Variants in ALDH1A1 observed in about 807,000 individuals in gnomAD.
ALDH1A1 encodes the protein aldehyde dehydrogenase 1 family member A1.
ALDH1A1 carries 19 observed loss-of-function variants against 62.1 expected under a neutral mutation model. The observed-to-expected ratio is 0.31, with a 90% CI of 0.21 to 0.45. ALDH1A1 has a LOEUF of 0.45. Ranked by LOEUF, ALDH1A1 falls within the 20% of genes least tolerant of loss-of-function variation. The pLI is 1.00. For missense variants in ALDH1A1, 521 were observed against 607.1 expected (o/e 0.86, Z 1.49); for synonymous variants, 231 against 215.9 (o/e 1.07, Z -0.61).
rs748129411 is a variant in ALDH1A1, at chr9:72,931,071, A to G, written c.172-52T>C. Reference sequence around the variant, plus strand: ...GTAAGCTAAACATATTAGGCAAGCAAATTTAATGCCAATAACCCTGTAAAA... The same window carrying G: ...GTAAGCTAAACATATTAGGCAAGCAGATTTAATGCCAATAACCCTGTAAAA... On this transcript the variant is annotated intron_variant, in intron 2 of 12. Coordinates refer to ENST00000297785, the MANE Select transcript of ALDH1A1 (RefSeq NM_000689.5). 6.2e-6 allele frequency: 10 copies of G among 1,606,000 alleles called. No homozygotes were observed. The Admixed American group carries it at 1.7e-4, about 27-fold the overall frequency.
intron 11 of ALDH1A1, among the ~76,000 whole-genome samples, chr9:72,906,371 G>T (rs1403267061): frequency 6.6e-6 from 1 of 152,084 alleles, no homozygotes; most frequent in Admixed American, 6.6e-5. Flanking sequence ...GAATTTGTTG[G>T]ATCAGTATTC....
chr9:72,942,988 A>G (rs573931956), intron 1 of ALDH1A1, among the ~76,000 whole-genome samples: 2 of 152,156 alleles, frequency 1.3e-5, no homozygotes, highest in Non-Finnish European at 2.9e-5. Context: ...ACAAAAAACT[A>G]AAGATATTGC....
At chr9:72,902,532 C>T (rs1588127792) in intron 12 of ALDH1A1, among the ~76,000 whole-genome samples, 2 of 152,074 alleles carry the variant, frequency 1.3e-5, no homozygotes, top group East Asian at 3.9e-4. Flanking sequence ...AAGGGCTTAG[C>T]CTCAGTTGTC....
In ALDH1A1 at chr9:72,911,875, G is replaced by T. The variant is rs568524808; in HGVS notation, c.1200+83C>A. On this transcript the variant is annotated intron_variant, in intron 10 of 12. Transcript: ENST00000297785. ...GAGGGAAAGATGTTCCAAAGAGCTG[G>T]GAATTTTAAAGTGACACTTTGTATA... 12 of 1,479,276 alleles carry T rather than the reference G, an allele frequency of 8.1e-6. No homozygotes were observed. In the East Asian group the frequency reaches 1.8e-4, roughly 22 times the overall value. The allele number at this position is 1,479,276 out of a possible 1,614,324, so 91.6% of individuals were successfully genotyped here.
intron 7 of ALDH1A1, 123 bp downstream of exon 7, chr9:72,923,896 G>A (rs2118529158): frequency 1.6e-6 from 1 of 613,898 alleles, no homozygotes; most frequent in Non-Finnish European, 2.7e-6. Flanking sequence ...GCTAAAATAA[G>A]TAACAAATCA....
intron 11 of ALDH1A1, among the ~76,000 whole-genome samples, chr9:72,907,775 G>A (rs184416921): frequency 6.6e-6 from 1 of 152,198 alleles, no homozygotes; most frequent in East Asian, 1.9e-4. Context: ...TGTAGTACTT[G>A]GTATAAATAT....
At chr9:72,943,241 C>T (rs753474348) in intron 1 of ALDH1A1, among the ~76,000 whole-genome samples, 2 of 152,096 alleles carry the variant, frequency 1.3e-5, no homozygotes, top group Non-Finnish European at 2.9e-5. Flanking sequence ...GGCCTGTGGT[C>T]GGACTTTCTA....
chr9:72,921,107 CGTG>C (rs1251452895), intron 7 of ALDH1A1, among the ~76,000 whole-genome samples: 2 of 151,796 alleles, frequency 1.3e-5, no homozygotes, highest in Non-Finnish European at 2.9e-5. Context: ...ATTAGCTGGG[CGTG>C]GTGGTGGGCG....
chr9:72,909,454 A>C lies in ALDH1A1; in HGVS notation c.1358+148T>G, dbSNP rs1197055126. 4 of 745,380 alleles carry C rather than the reference A, an allele frequency of 5.4e-6. No homozygotes were observed. The African/African-American group carries it at 5.5e-5, about 10-fold the overall frequency. The allele number at this position is 745,380 out of a possible 1,614,324, so 46.2% of individuals were successfully genotyped here. ...ATTACAGGCATGAGCCACCGCACCC[A>C]GCCTTTTGTTTGTTTTTCAAGGCAG... On this transcript the variant is annotated intron_variant, in intron 11 of 12. Transcript: ENST00000297785.
intron 1 of ALDH1A1, among the ~76,000 whole-genome samples, chr9:72,951,060 A>G (rs1219002471): frequency 6.6e-6 from 1 of 151,976 alleles, no homozygotes; most frequent in African/African-American, 2.4e-5. Flanking sequence ...GAACAGATTT[A>G]TATAGAAGAT....
chr9:72,933,631 G>A (rs200715056), intron 2 of ALDH1A1, among the ~76,000 whole-genome samples: 1 of 147,118 alleles, frequency 6.8e-6, no homozygotes, highest in Non-Finnish European at 1.5e-5. Context: ...CAAGACAAAA[G>A]AAAAAAGAAA....
intron 1 of ALDH1A1, among the ~76,000 whole-genome samples, chr9:72,951,258 C>G (rs1588147845): frequency 6.6e-6 from 1 of 151,868 alleles, no homozygotes; most frequent in African/African-American, 2.4e-5. Context: ...AAAATCATCT[C>G]TCTGTGTTAA....
At chr9:72,946,038 C>G (rs1022213540) in intron 1 of ALDH1A1, among the ~76,000 whole-genome samples, 1 of 151,890 alleles carries the variant, frequency 6.6e-6, no homozygotes, top group Non-Finnish European at 1.5e-5. Context: ...AGAAAAGATG[C>G]CACAGCATTT....
At chr9:72,925,408 A>G in intron 6 of ALDH1A1, 76 bp downstream of exon 6, 1 of 1,527,170 alleles carries the variant, frequency 6.5e-7, no homozygotes, top group Non-Finnish European at 8.9e-7. Flanking sequence ...ACTTTATAGT[A>G]GCAACAAATG....
At position 72,905,920 on chromosome 9, in the gene ALDH1A1, A is replaced by G. The variant is rs1564620721; in HGVS notation, c.1433+38T>C. On this transcript the variant is annotated intron_variant, in intron 12 of 12. Transcript: ENST00000297785. ...CCCTGGGAATGAAAATCATTTTCAT[A>G]AAAATAAATATTTATCTTAATAGAA... 2.0e-6 allele frequency: 3 copies of G among 1,479,010 alleles called. No homozygotes were observed. The Admixed American group carries it at 5.8e-5, about 28-fold the overall frequency. 91.6% of individuals were successfully genotyped at this position (1,479,010 alleles called of 1,614,324 possible).
chr9:72,952,071 GCTCT>G (rs1830549269), intron 1 of ALDH1A1, among the ~76,000 whole-genome samples: 4 of 151,892 alleles, frequency 2.6e-5, no homozygotes, highest in Admixed American at 2.6e-4. Context: ...CAGCAAAATG[GCTCT>G]CTCTTGATTT....
chr9:72,943,694 G>C (rs558489585), intron 1 of ALDH1A1, among the ~76,000 whole-genome samples: 1 of 152,236 alleles, frequency 6.6e-6, no homozygotes, highest in South Asian at 2.1e-4. Context: ...AAAAGTGTTT[G>C]TCCAATAATG....
chr9:72,926,023 G>C (rs1351571880), intron 5 of ALDH1A1, among the ~76,000 whole-genome samples: 12 of 152,144 alleles, frequency 7.9e-5, no homozygotes, highest in Admixed American at 7.2e-4. Context: ...TTTATTTCCA[G>C]GAAAAATACC....
rs201658437 is a variant in ALDH1A1, at chr9:72,905,951, A to G, written c.1433+7T>C. ...AAATATTTATCTTAATAGAACGTTA[A>G]TCTTACAGTTCTCTTCCATTTCCAG... On this transcript the variant is annotated splice_region_variant and intron_variant, in intron 12 of 12. Transcript: ENST00000297785. 1 of 1,595,810 alleles carries G rather than the reference A, an allele frequency of 6.3e-7. No homozygotes were observed. The highest frequency in any genetic ancestry group is 8.6e-7 in the Non-Finnish European group (1 of 1,166,332).
Sources: allele counts gnomAD v4.1 joint callset (sites outside exome capture counted in the v4.1 genomes callset), GRCh38; gene constraint gnomAD v4.1.1; transcripts MANE v1.5; gene names NCBI Gene and HGNC (gene_info 2026-07-23, HGNC 2026-07-21).